COL8A1: variants seen among roughly 807,000 people sequenced by gnomAD.
COL8A1 encodes collagen alpha-1(VIII) chain.
In COL8A1, 21 loss-of-function variants were observed where a neutral mutation model predicts 42.7. The ratio of observed to expected loss-of-function variants is 0.49; its 90% CI spans 0.35 to 0.71. The LOEUF is 0.71. Among genes scored for constraint, COL8A1 ranks in the 30% least tolerant of loss-of-function variants. The pLI, the probability that COL8A1 is intolerant of heterozygous loss-of-function variation, is 0.01. For missense variants in COL8A1, 788 were observed against 962.4 expected (o/e 0.82, Z 2.40); for synonymous variants, 367 against 369.1 (o/e 0.99, Z 0.06).
intron 1 of COL8A1, among the ~76,000 whole-genome samples, chr3:99,641,368 T>C (rs1937506520): frequency 1.3e-5 from 2 of 152,198 alleles, no homozygotes. Flanking sequence ...GATCCATCTC[T>C]ACTATGCCCT....
intron 1 of COL8A1, among the ~76,000 whole-genome samples, chr3:99,740,272 G>A (rs1385917448): frequency 6.6e-6 from 1 of 152,116 alleles, no homozygotes; most frequent in Non-Finnish European, 1.5e-5. Flanking sequence ...CTGTTTCCCA[G>A]TTCCAAAGTC....
At chr3:99,646,636 A>G (rs1937648204) in intron 1 of COL8A1, among the ~76,000 whole-genome samples, 1 of 152,202 alleles carries the variant, frequency 6.6e-6, no homozygotes, top group African/African-American at 2.4e-5. Context: ...TTTATACAAA[A>G]TCAGTCAAAA....
At chr3:99,721,394 GGAAAAA>G (rs1388161358) in intron 1 of COL8A1, among the ~76,000 whole-genome samples, 8 of 139,684 alleles carry the variant, frequency 5.7e-5, no homozygotes, top group African/African-American at 2.2e-4. Context: ...AGAAAGGAAA[GGAAAAA>G]GGAAAAGGGG....
intron 1 of COL8A1, among the ~76,000 whole-genome samples, chr3:99,665,744 C>G (rs1393848512): frequency 5.0e-5 from 7 of 139,002 alleles, no homozygotes; most frequent in Middle Eastern, 8.2e-3. Context: ...GGCAATGGCA[C>G]AATCTCGGCT....
chr3:99,661,894 T>C (rs977703155), intron 1 of COL8A1, among the ~76,000 whole-genome samples: 1 of 152,326 alleles, frequency 6.6e-6, no homozygotes, highest in East Asian at 1.9e-4. Context: ...TTCCATTTAT[T>C]TGAGATACCT....
intron 1 of COL8A1, among the ~76,000 whole-genome samples, chr3:99,710,881 A>T (rs1030016990): frequency 3.3e-5 from 5 of 152,120 alleles, no homozygotes; most frequent in African/African-American, 1.2e-4. Flanking sequence ...TAAAATCATA[A>T]TATCTTGAAG....
chr3:99,682,664 T>A (rs1212276679), intron 1 of COL8A1, among the ~76,000 whole-genome samples: 1 of 151,338 alleles, frequency 6.6e-6, no homozygotes, highest in Non-Finnish European at 1.5e-5. Flanking sequence ...TGTAGAAAGA[T>A]CATAGAACAT....
intron 2 of COL8A1, among the ~76,000 whole-genome samples, chr3:99,778,668 T>C (rs2107445340): frequency 6.6e-6 from 1 of 151,312 alleles, no homozygotes; most frequent in African/African-American, 2.4e-5. Flanking sequence ...GGCTATTATA[T>C]AGGATTTTCC....
chr3:99,764,701 C>CTTTTTTTTTTTTTTTTTT (rs10648559), intron 2 of COL8A1, among the ~76,000 whole-genome samples: 9 of 125,044 alleles, frequency 7.2e-5, no homozygotes, highest in Non-Finnish European at 1.1e-4. Context: ...TCTTTTTTTT[C>CTTTTTTTTTTTTTTTTTT]TTTTTTTTTT....
intron 2 of COL8A1, among the ~76,000 whole-genome samples, chr3:99,758,006 T>C (rs1436088645): frequency 2.0e-5 from 3 of 152,210 alleles, no homozygotes; most frequent in Non-Finnish European, 2.9e-5. Flanking sequence ...GATACCAAAG[T>C]AATCATGGTT....
intron 1 of COL8A1, among the ~76,000 whole-genome samples, chr3:99,712,553 G>T (rs1939868356): frequency 2.6e-5 from 4 of 152,102 alleles, no homozygotes; most frequent in Admixed American, 2.6e-4. Context: ...CTTTCTCTTG[G>T]CATATGAAAC....
intron 1 of COL8A1, among the ~76,000 whole-genome samples, chr3:99,708,843 C>T (rs1046742711): frequency 5.3e-5 from 8 of 152,032 alleles, no homozygotes; most frequent in Non-Finnish European, 1.2e-4. Context: ...ACCCGGGGTG[C>T]ATACTTTTCT....
intron 2 of COL8A1, among the ~76,000 whole-genome samples, chr3:99,746,463 T>C (rs1941027914): frequency 6.6e-6 from 1 of 152,148 alleles, no homozygotes; most frequent in Admixed American, 6.5e-5. Context: ...AGTGATAGGC[T>C]CGGCTTCTGG....
intron 1 of COL8A1, among the ~76,000 whole-genome samples, chr3:99,709,769 T>A (rs1939784516): frequency 6.6e-6 from 1 of 152,202 alleles, no homozygotes; most frequent in Non-Finnish European, 1.5e-5. Context: ...GTGATTAAAA[T>A]TAATTTCTTC....
chr3:99,667,291 G>C (rs764989580), intron 1 of COL8A1, among the ~76,000 whole-genome samples: 2 of 152,002 alleles, frequency 1.3e-5, no homozygotes, highest in Non-Finnish European at 2.9e-5. Context: ...TTTTGTTGCT[G>C]GTTCCATACG....
At chr3:99,705,034 A>G (rs1430749039) in intron 1 of COL8A1, among the ~76,000 whole-genome samples, 3 of 152,132 alleles carry the variant, frequency 2.0e-5, no homozygotes, top group Admixed American at 1.3e-4. Context: ...CAAGAAATGT[A>G]CCTTTCAAAT....
intron 1 of COL8A1, among the ~76,000 whole-genome samples, chr3:99,671,981 G>T (rs764559566): frequency 6.6e-6 from 1 of 152,018 alleles, no homozygotes; most frequent in East Asian, 1.9e-4. Context: ...AAAAAAGCAG[G>T]TGTTTGGAAA....
intron 2 of COL8A1, among the ~76,000 whole-genome samples, chr3:99,755,691 A>T (rs919864613): frequency 6.6e-6 from 1 of 152,224 alleles, no homozygotes; most frequent in African/African-American, 2.4e-5. Flanking sequence ...AGGCAAGGCC[A>T]TGCAACACAA....
In COL8A1 at chr3:99,790,975, G is replaced by A; in HGVS notation, c.293G>A (p.Arg98Lys). 2 of 1,613,340 alleles carry A rather than the reference G, an allele frequency of 1.2e-6. No homozygotes were observed. The highest frequency in any genetic ancestry group is 1.1e-5 in the South Asian group (1 of 91,072). Residue 98 changes from arginine to lysine, a missense_variant, in exon 3 of 4, where the codon AGA becomes AAA. Physicochemically the swap from Arg to Lys is conservative, Grantham distance 26. Transcript: ENST00000652472. The stretch of plus-strand genomic sequence containing the variant: ...ATGAAGGAAATTCAACCGGCGCCAA[G>A]AATGGGCAAGGAAGCCGTACCCAAG... ...QYMKEIQPAP[R>K]MGKEAVPKKG...
Sources: gnomAD v4.1 joint callset for allele counts (sites outside exome capture counted in the v4.1 genomes callset) on GRCh38, gnomAD v4.1.1 for gene constraint, MANE v1.5 for transcripts, NCBI Gene and HGNC (gene_info 2026-07-23, HGNC 2026-07-21) for gene names.